COL24A1: variants seen among roughly 807,000 people sequenced by gnomAD.
COL24A1 encodes the protein collagen type XXIV alpha 1 chain.
A neutral mutation model predicts 253.9 loss-of-function variants in COL24A1; 224 were observed. The observed-to-expected ratio is 0.88, with a 90% confidence interval of 0.79 to 0.99. The LOEUF is 0.99. COL24A1 is among the 50% of genes least tolerant of loss of function. The pLI is 0.00. For missense variants in COL24A1, 2,131 were observed against 2,068.5 expected (o/e 1.03, Z -0.59); for synonymous variants, 685 against 673.7 (o/e 1.02, Z -0.26).
intron 2 of COL24A1, among the ~76,000 whole-genome samples, chr1:86,133,218 C>T (rs923791338): frequency 1.3e-5 from 2 of 152,062 alleles, no homozygotes; most frequent in African/African-American, 4.8e-5. Context: ...TGAGACTTTG[C>T]TGAAGTTGCT....
intron 42 of COL24A1, among the ~76,000 whole-genome samples, chr1:85,840,419 G>A (rs1433814840): frequency 1.3e-5 from 2 of 151,960 alleles, no homozygotes; most frequent in African/African-American, 4.8e-5. Context: ...AATCTTTCTT[G>A]TCTATTTCTA....
rs1310638459 is a variant in COL24A1, at chr1:86,022,982, A to G, written c.2075T>C (p.Ile692Thr). The part of the protein sequence containing the change: ...LRGSVGPVGP[I>T]GPAGIPGPMG... ...TGGGCCAGGAATTCCAGCAGGTCCA[A>G]TTGGTCCCACAGGGCCAACACTGCC... The change falls in exon 15 of 60, where the codon ATT (isoleucine) becomes ACT (threonine). Residue 692 changes from isoleucine (I) to threonine (T), a missense_variant. Coordinates refer to ENST00000370571, the MANE Select transcript of COL24A1 (RefSeq NM_152890.7). 1.2e-6 allele frequency: 2 copies of G among 1,613,168 alleles called. No homozygotes were observed. Among genetic ancestry groups the G allele is most frequent in the African/African-American group, 1.3e-5 (1 of 74,908 alleles).
At position 85,729,374 on chromosome 1, in the gene COL24A1, A is replaced by G. The variant is rs1386129089; in HGVS notation, c.*1172T>C. 6.6e-6 allele frequency: 1 copy of G among 152,262 alleles called. No homozygotes were observed. The highest frequency in any genetic ancestry group is 1.5e-5 in the Non-Finnish European group (1 of 68,018). The allele number at this position is 152,262 out of a possible 1,614,324, so 9.4% of individuals were successfully genotyped here. On this transcript the variant is annotated 3_prime_UTR_variant, in exon 60 of 60. Transcript: ENST00000370571. ...TCAGTATTGAACTAATATTTCTCTG[A>G]TAACAAGGAGACATTGAACTGGCTG...
At chr1:85,973,843 T>C (rs1692408884) in intron 20 of COL24A1, among the ~76,000 whole-genome samples, 2 of 152,076 alleles carry the variant, frequency 1.3e-5, no homozygotes, top group South Asian at 4.1e-4. Context: ...AAAAGTTGGG[T>C]TAAGAGAAAA....
intron 24 of COL24A1, among the ~76,000 whole-genome samples, chr1:85,920,713 A>G (rs1480009528): frequency 6.6e-6 from 1 of 152,184 alleles, no homozygotes; most frequent in Non-Finnish European, 1.5e-5. Flanking sequence ...CATTAAAAAA[A>G]AACAGTAAGC....
intron 20 of COL24A1, among the ~76,000 whole-genome samples, chr1:85,973,288 T>C (rs983578029): frequency 1.3e-5 from 2 of 152,170 alleles, no homozygotes; most frequent in Admixed American, 6.6e-5. Flanking sequence ...CCTAAGTATA[T>C]AATTATCAGT....
chr1:85,766,287 T>G (rs1333634823), intron 53 of COL24A1, among the ~76,000 whole-genome samples: 1 of 144,392 alleles, frequency 6.9e-6, no homozygotes, highest in Admixed American at 7.4e-5. Flanking sequence ...CGGGAATCAC[T>G]TGAACCAGAA....
chr1:85,774,194 C>T (rs534801241), intron 53 of COL24A1, among the ~76,000 whole-genome samples: 4 of 152,100 alleles, frequency 2.6e-5, no homozygotes, highest in Admixed American at 1.3e-4. Context: ...GTATGTTGAA[C>T]GAGCCTTGCA....
intron 43 of COL24A1, among the ~76,000 whole-genome samples, chr1:85,837,562 A>G (rs1003195748): frequency 1.3e-5 from 2 of 152,222 alleles, no homozygotes; most frequent in Non-Finnish European, 2.9e-5. Context: ...ACGTTGTACA[A>G]GAAAGAAAGA....
chr1:85,997,873 T>C (rs1406543367), intron 19 of COL24A1, among the ~76,000 whole-genome samples: 3 of 152,176 alleles, frequency 2.0e-5, no homozygotes, highest in Non-Finnish European at 2.9e-5. Context: ...TTTGCTTAGA[T>C]TGCTAAATCT....
At chr1:86,134,866 C>T (rs1298823213) in intron 2 of COL24A1, among the ~76,000 whole-genome samples, 15 of 125,358 alleles carry the variant, frequency 1.2e-4, no homozygotes, top group African/African-American at 1.5e-4. Flanking sequence ...CTATTAGGTC[C>T]ACTTGGTGCA....
intron 24 of COL24A1, among the ~76,000 whole-genome samples, chr1:85,919,479 G>A (rs1686232736): frequency 2.0e-5 from 3 of 152,248 alleles, no homozygotes; most frequent in Admixed American, 6.5e-5. Flanking sequence ...AGGAGTTCAA[G>A]ACCAGCCTGG....
intron 55 of COL24A1, among the ~76,000 whole-genome samples, chr1:85,748,580 C>G (rs454331): frequency 1 from 149,762 of 149,802 alleles, 74,861 homozygotes; most frequent in Middle Eastern, 1. Context: ...CAGCGTGAGC[C>G]ACGCAGAAGA....
intron 53 of COL24A1, among the ~76,000 whole-genome samples, chr1:85,762,481 C>G (rs1318909502): frequency 6.6e-6 from 1 of 152,036 alleles, no homozygotes; most frequent in Non-Finnish European, 1.5e-5. Flanking sequence ...ATGTACAAAA[C>G]TTGTACATAA....
chr1:86,130,343 T>A (rs1031329286), intron 2 of COL24A1, among the ~76,000 whole-genome samples: 1 of 151,944 alleles, frequency 6.6e-6, no homozygotes, highest in African/African-American at 2.4e-5. Context: ...TAAATCTATC[T>A]ACATTTGCTA....
intron 7 of COL24A1, among the ~76,000 whole-genome samples, chr1:86,086,569 T>C (rs1057271369): frequency 1.3e-5 from 2 of 152,038 alleles, no homozygotes; most frequent in African/African-American, 4.8e-5. Flanking sequence ...CCAAGACTTA[T>C]TCATATGAAT....
At chr1:86,001,758 T>TAC (rs546615733) in intron 19 of COL24A1, among the ~76,000 whole-genome samples, 92 of 151,988 alleles carry the variant, frequency 6.1e-4, no homozygotes, top group Non-Finnish European at 1.0e-3. Flanking sequence ...GAAATATATA[T>TAC]ACACACACAC....
chr1:86,014,285 T>C lies in COL24A1; in HGVS notation c.2310+2866A>G, dbSNP rs193099025. 1.7e-4 allele frequency among the ~76,000 whole-genome samples: 26 copies of C among 152,302 alleles called. No homozygotes were observed. The East Asian group carries it at 4.4e-3, about 26-fold the overall frequency. ...GTTACTAAGGAATGTATTTTTCAGT[T>C]ACCAAAATTTATTTTACTGACTTTT... On this transcript the variant is annotated intron_variant, in intron 19 of 59. Transcript: ENST00000370571.
chr1:85,731,215 T>C (rs1663440164), intron 59 of COL24A1, among the ~76,000 whole-genome samples: 1 of 152,178 alleles, frequency 6.6e-6, no homozygotes, highest in South Asian at 2.1e-4. Flanking sequence ...TCTCTATTTA[T>C]ACAGTTTCCC....
Sources: gnomAD v4.1 joint callset for allele counts (sites outside exome capture counted in the v4.1 genomes callset) on GRCh38, gnomAD v4.1.1 for gene constraint, MANE v1.5 for transcripts, NCBI Gene and HGNC (gene_info 2026-07-23, HGNC 2026-07-21) for gene names.